Variants in RTN4 observed in about 807,000 individuals in gnomAD.
RTN4 encodes the protein reticulon-4.
RTN4 carries 32 observed loss-of-function variants against 90.4 expected under a neutral mutation model. The ratio of observed to expected loss-of-function variants is 0.35; its 90% CI spans 0.27 to 0.48. The LOEUF is 0.48. Among genes scored for constraint, RTN4 ranks in the 20% least tolerant of loss-of-function variants. The pLI is 0.99. For synonymous variants in RTN4, 629 were observed against 552.5 expected (o/e 1.14, Z -1.94); for missense variants, 1,706 against 1,430.2 (o/e 1.19, Z -3.11).
At chr2:55,135,819 AAT>A in the RTN4 span, among the ~76,000 whole-genome samples, 1 of 152,198 alleles carries the variant, frequency 6.6e-6, no homozygotes, top group Non-Finnish European at 1.5e-5. Flanking sequence ...ATTATACAGT[AAT>A]ATATATTTTT....
intron 1 of RTN4, among the ~76,000 whole-genome samples, chr2:55,037,924 G>A (rs755637616): frequency 3.3e-5 from 5 of 152,052 alleles, no homozygotes; most frequent in Non-Finnish European, 7.4e-5. Context: ...TCAAGTATTG[G>A]CATAAGGATA....
At position 55,105,666 on chromosome 2, in the gene RTN4, T is replaced by C. The variant is rs139473077; in HGVS notation, c.-214+6854A>G. Among the ~76,000 whole-genome samples, 518 of 152,230 alleles carry C rather than the reference T, an allele frequency of 3.4e-3. 7 individuals carry two copies. Among genetic ancestry groups the C allele is most frequent in the African/African-American group, 0.012 (486 of 41,496 alleles). On this transcript the variant is annotated intron_variant, in intron 1 of 3. Transcript: ENST00000427710. ...AGTGTGTTTATGATAGGTAATCTTA[T>C]TGTAGTCAAAAGCAATCTTTTCTGC... is the stretch of plus-strand genomic sequence containing the variant.
At chr2:54,995,223 C>A (rs758018496) in intron 3 of RTN4, among the ~76,000 whole-genome samples, 1 of 149,116 alleles carries the variant, frequency 6.7e-6, no homozygotes, top group Admixed American at 6.7e-5. Context: ...CTGCATGACA[C>A]AGAAAGACCC....
At chr2:55,132,028 G>A in the RTN4 span, among the ~76,000 whole-genome samples, 1 of 152,150 alleles carries the variant, frequency 6.6e-6, no homozygotes, top group Non-Finnish European at 1.5e-5. Context: ...ATCTGCTCAA[G>A]TATTTATGGG....
At position 55,049,763 on chromosome 2, in the gene RTN4, C is replaced by T. The variant is rs192552854; in HGVS notation, c.538G>A (p.Gly180Ser). The change falls in exon 1 of 9, where the codon GGC becomes AGC. Residue 180 changes from glycine (G) to serine (S), a missense_variant. Physicochemically the swap from Gly to Ser is moderately conservative, Grantham distance 56. Coordinates refer to ENST00000337526, the MANE Select transcript of RTN4 (RefSeq NM_020532.5). ...CACTCACCCACTGAGCCCGAGGAGC[C>T]CCTGCGCTTGGGCGCGGCCGGGGTG... ...PSTPAAPKRRGSSGSVDETLF... is the reference protein window; with the variant it reads ...PSTPAAPKRRSSSGSVDETLF... 937 of 1,335,334 alleles carry T rather than the reference C, an allele frequency of 7.0e-4. 1 individual carries two copies. Among genetic ancestry groups the T allele is most frequent in the Non-Finnish European group, 8.2e-4 (857 of 1,043,848 alleles). 82.7% of individuals were successfully genotyped at this position (1,335,334 alleles called of 1,614,324 possible). A position where few individuals can be genotyped will look rare whatever the true frequency, so the allele number is the denominator to read the frequency against.
At chr2:55,003,390 A>G (rs765897915) in intron 3 of RTN4, among the ~76,000 whole-genome samples, 1 of 152,200 alleles carries the variant, frequency 6.6e-6, no homozygotes, top group African/African-American at 2.4e-5. Flanking sequence ...ACGACACAAA[A>G]TATTTTAGTG....
chr2:55,039,364 C>T (rs1682904986), intron 1 of RTN4, among the ~76,000 whole-genome samples: 1 of 152,158 alleles, frequency 6.6e-6, no homozygotes, highest in Non-Finnish European at 1.5e-5. Context: ...CAAGGGAGAA[C>T]TCATCGATAG....
chr2:55,071,880 A>T (rs1407202851), intron 2 of RTN4, among the ~76,000 whole-genome samples: 1 of 152,228 alleles, frequency 6.6e-6, no homozygotes, highest in African/African-American at 2.4e-5. Flanking sequence ...TGTTATAATG[A>T]CTGGGTTAGC....
chr2:55,051,158 AC>A (rs1301020738), upstream of RTN4, among the ~76,000 whole-genome samples: 5 of 152,288 alleles, frequency 3.3e-5, no homozygotes, highest in South Asian at 1.0e-3. Context: ...TGGGAGGAAA[AC>A]AGCTGTGCTG....
chr2:55,003,840 T>C (rs1680016869), intron 3 of RTN4, among the ~76,000 whole-genome samples: 1 of 152,056 alleles, frequency 6.6e-6, no homozygotes. Context: ...TGTGCGTAGG[T>C]TTTACGAAAA....
At chr2:55,012,571 T>A (rs1214054983) in intron 3 of RTN4, among the ~76,000 whole-genome samples, 2 of 152,236 alleles carry the variant, frequency 1.3e-5, no homozygotes, top group Non-Finnish European at 2.9e-5. Flanking sequence ...CCAGATGGGC[T>A]ATGTTTATTA....
the RTN4 span, among the ~76,000 whole-genome samples, chr2:55,126,496 G>C: frequency 1.1e-4 from 17 of 152,218 alleles, no homozygotes; most frequent in South Asian, 3.5e-3. Flanking sequence ...ACACCAGTCA[G>C]AATGGCTATC....
chr2:55,047,334 A>C (rs1446765239), intron 1 of RTN4, among the ~76,000 whole-genome samples: 1 of 152,050 alleles, frequency 6.6e-6, no homozygotes, highest in Non-Finnish European at 1.5e-5. Flanking sequence ...TCTCAAAAAA[A>C]AAAAAAAAAA....
At chr2:55,001,995 T>G (rs1352496971) in intron 3 of RTN4, among the ~76,000 whole-genome samples, 1 of 152,146 alleles carries the variant, frequency 6.6e-6, no homozygotes, top group Non-Finnish European at 1.5e-5. Flanking sequence ...TAAAATAAAT[T>G]TATTTTCATA....
chr2:55,045,225 G>A (rs1037038820), intron 1 of RTN4, among the ~76,000 whole-genome samples: 2 of 152,048 alleles, frequency 1.3e-5, no homozygotes, highest in African/African-American at 4.8e-5. Context: ...TTAAATTTTG[G>A]CAGTCTCTGA....
At chr2:55,059,183 T>A (rs1252207240) in intron 2 of RTN4, among the ~76,000 whole-genome samples, 2 of 152,214 alleles carry the variant, frequency 1.3e-5, no homozygotes, top group African/African-American at 4.8e-5. Context: ...GAAATTTCAT[T>A]GTCAAAGCTC....
At chr2:54,986,344 G>A (rs965125327) in intron 4 of RTN4, among the ~76,000 whole-genome samples, 6 of 152,072 alleles carry the variant, frequency 3.9e-5, no homozygotes, top group Non-Finnish European at 8.8e-5. Flanking sequence ...TTCTGTAAAG[G>A]GCCAGATAGT....
intron 1 of RTN4, among the ~76,000 whole-genome samples, chr2:55,029,807 G>C (rs1009804054): frequency 6.6e-6 from 1 of 152,078 alleles, no homozygotes; most frequent in African/African-American, 2.4e-5. Flanking sequence ...CCAGTCAAAG[G>C]GGTAACATAA....
chr2:55,088,586 T>C (rs1668883858), intron 1 of RTN4, among the ~76,000 whole-genome samples: 1 of 152,238 alleles, frequency 6.6e-6, no homozygotes. Flanking sequence ...TTTGCATATT[T>C]TCAAAACTTC....
Sources: gnomAD v4.1 joint callset for allele counts (sites outside exome capture counted in the v4.1 genomes callset) on GRCh38, gnomAD v4.1.1 for gene constraint, MANE v1.5 for transcripts, NCBI Gene and HGNC (gene_info 2026-07-23, HGNC 2026-07-21) for gene names.